The following ERC2 variants were observed in gnomAD, a reference collection of about 807,000 sequenced individuals.
ERC2 encodes ELKS/RAB6-interacting/CAST family member 2.
A neutral mutation model predicts 114.8 loss-of-function variants in ERC2; 42 were observed. That is an observed-to-expected ratio of 0.37 (90% CI 0.29 to 0.47). The LOEUF (loss-of-function observed/expected upper bound fraction) is 0.47, where lower values mean the gene tolerates loss of function less well. ERC2 is among the 20% of genes least tolerant of loss of function. The pLI is 0.99. For missense variants in ERC2, 939 were observed against 1,150.7 expected (o/e 0.82, Z 2.66); for synonymous variants, 454 against 425.5 (o/e 1.07, Z -0.82).
At chr3:56,204,432 G>T (rs1364087562) in intron 3 of ERC2, among the ~76,000 whole-genome samples, 2 of 151,374 alleles carry the variant, frequency 1.3e-5, no homozygotes, top group Non-Finnish European at 3.0e-5. Flanking sequence ...TTTGTAATTA[G>T]TTCTCCTAAA....
chr3:56,270,064 T>A (rs911066113), intron 3 of ERC2, among the ~76,000 whole-genome samples: 1 of 78,864 alleles, frequency 1.3e-5, no homozygotes, highest in Non-Finnish European at 3.4e-5. Flanking sequence ...ACCCAAACCA[T>A]TTAAGGAGGA....
intron 14 of ERC2, among the ~76,000 whole-genome samples, chr3:55,818,893 A>G (rs2060004323): frequency 6.6e-6 from 1 of 152,242 alleles, no homozygotes; most frequent in African/African-American, 2.4e-5. Flanking sequence ...GTTAATGTAT[A>G]TAACTTGTTT....
At chr3:56,088,835 G>A (rs1371603172) in intron 6 of ERC2, among the ~76,000 whole-genome samples, 1 of 152,060 alleles carries the variant, frequency 6.6e-6, no homozygotes, top group Non-Finnish European at 1.5e-5. Context: ...CACTTAGCAT[G>A]GTACCTGGCA....
chr3:55,650,990 G>A (rs1456091621), intron 17 of ERC2, among the ~76,000 whole-genome samples: 1 of 150,502 alleles, frequency 6.6e-6, no homozygotes, highest in African/African-American at 2.4e-5. Flanking sequence ...TGGGATTACA[G>A]GCATCCGCCA....
intron 11 of ERC2, among the ~76,000 whole-genome samples, chr3:55,990,074 A>G (rs1044162155): frequency 6.6e-6 from 1 of 152,178 alleles, no homozygotes; most frequent in African/African-American, 2.4e-5. Flanking sequence ...ATCTCATGTC[A>G]GTTTTTCTAA....
At chr3:55,899,394 G>A (rs977761739) in intron 13 of ERC2, among the ~76,000 whole-genome samples, 12 of 152,116 alleles carry the variant, frequency 7.9e-5, no homozygotes, top group Non-Finnish European at 2.9e-5. Flanking sequence ...AAGTTTGTAT[G>A]TGTATGGATA....
chr3:55,798,676 A>G (rs2070724755), intron 14 of ERC2, among the ~76,000 whole-genome samples: 1 of 152,148 alleles, frequency 6.6e-6, no homozygotes, highest in African/African-American at 2.4e-5. Context: ...AGTTTTCCAC[A>G]GCAACAGTGG....
At chr3:55,766,760 C>G (rs1477951609) in intron 14 of ERC2, 1 of 152,240 alleles carries the variant, frequency 6.6e-6, no homozygotes, top group Non-Finnish European at 1.5e-5. Flanking sequence ...GTTATGGACA[C>G]AGCTCTAGGA....
intron 17 of ERC2, among the ~76,000 whole-genome samples, chr3:55,586,967 C>T (rs1389012825): frequency 1.3e-5 from 2 of 152,190 alleles, no homozygotes; most frequent in African/African-American, 4.8e-5. Flanking sequence ...TCTATTCCCT[C>T]CCCTAGTCCT....
In ERC2 at chr3:55,888,400, G is replaced by T. The variant is rs2149319257; in HGVS notation, c.2553C>A (p.Ile851=). 6.2e-7 allele frequency: 1 copy of T among 1,613,746 alleles called. No homozygotes were observed. The highest frequency in any genetic ancestry group is 2.2e-5 in the East Asian group (1 of 44,870). The change falls in exon 14 of 18, where the codon ATC becomes ATA. Residue 851 remains isoleucine (I), a synonymous_variant. Coordinates refer to ENST00000288221, the MANE Select transcript of ERC2 (RefSeq NM_015576.3). The stretch of plus-strand genomic sequence containing the variant: ...CAATGGGTACTCACTTCATCTCCAG[G>T]ATCTCCTCCAGCTGTTTCCTCCTCT... ...RIERRKQLEE[I]LEMKQEALLA...
intron 17 of ERC2, among the ~76,000 whole-genome samples, chr3:55,539,085 C>T (rs1372105639): frequency 1.3e-5 from 2 of 152,068 alleles, no homozygotes; most frequent in Non-Finnish European, 2.9e-5. Flanking sequence ...AAAATACAAA[C>T]AGAATCACAC....
In ERC2 at chr3:55,732,126, A is replaced by T. The variant is rs534122655; in HGVS notation, c.2712+2645T>A. Among the ~76,000 whole-genome samples, 7 of 152,206 alleles carry T rather than the reference A, an allele frequency of 4.6e-5. No individual in the cohort carries two copies. In the East Asian group the frequency reaches 1.4e-3, roughly 29 times the overall value. On this transcript the variant is annotated intron_variant, in intron 15 of 17. Transcript: ENST00000288221. The stretch of plus-strand genomic sequence containing the variant: ...CCTGAGCCTCAGTTATGCTCCCTAG[A>T]AAAGGGAGATAATCCTGCACACACT...
chr3:55,943,158 C>T (rs1218554549), intron 13 of ERC2, among the ~76,000 whole-genome samples: 1 of 152,144 alleles, frequency 6.6e-6, no homozygotes, highest in Non-Finnish European at 1.5e-5. Context: ...ATGTTGAACA[C>T]GATTGCACCC....
intron 7 of ERC2, among the ~76,000 whole-genome samples, chr3:56,031,569 A>C (rs73089189): frequency 6.6e-6 from 1 of 152,258 alleles, no homozygotes; most frequent in African/African-American, 2.4e-5. Flanking sequence ...GCAGACAAAA[A>C]TTCAAGGCCA....
chr3:55,531,161 T>C (rs1403453344), intron 17 of ERC2, among the ~76,000 whole-genome samples: 1 of 152,190 alleles, frequency 6.6e-6, no homozygotes, highest in Non-Finnish European at 1.5e-5. Context: ...GACTTGATTA[T>C]TAAGTGAATG....
intron 12 of ERC2, among the ~76,000 whole-genome samples, chr3:55,981,093 G>A (rs1265017352): frequency 6.6e-6 from 1 of 152,238 alleles, no homozygotes; most frequent in Non-Finnish European, 1.5e-5. Context: ...TCGGAAAGGT[G>A]TAAGCACCAA....
intron 3 of ERC2, among the ~76,000 whole-genome samples, chr3:56,226,205 C>T (rs963485612): frequency 6.6e-6 from 1 of 152,046 alleles, no homozygotes; most frequent in Non-Finnish European, 1.5e-5. Flanking sequence ...AATCGAGTCT[C>T]ATTTGGTAAC....
intron 17 of ERC2, chr3:55,658,311 T>C (rs369510002): frequency 2.1e-4 from 32 of 152,320 alleles, no homozygotes; most frequent in African/African-American, 7.0e-4. Context: ...TCTATTTCCA[T>C]AGAGTAAACA....
At chr3:56,460,441 C>G (rs926388523) in intron 1 of ERC2, among the ~76,000 whole-genome samples, 1 of 152,162 alleles carries the variant, frequency 6.6e-6, no homozygotes, top group African/African-American at 2.4e-5. Context: ...GGGATACAGC[C>G]AAAGGCAAAG....
Sources: gnomAD v4.1 joint callset for allele counts (sites outside exome capture counted in the v4.1 genomes callset) on GRCh38, gnomAD v4.1.1 for gene constraint, MANE v1.5 for transcripts, NCBI Gene and HGNC (gene_info 2026-07-23, HGNC 2026-07-21) for gene names.